CNTNAP3B: variants seen among roughly 807,000 people sequenced by gnomAD.
The protein encoded by CNTNAP3B is contactin associated protein family member 3B, also known as contactin-associated protein-like 3B.
CNTNAP3B carries 25 observed loss-of-function variants against 108.9 expected under a neutral mutation model. The ratio of observed to expected loss-of-function variants is 0.23; its 90% CI spans 0.17 to 0.32. The LOEUF is 0.32. Among genes scored for constraint, CNTNAP3B ranks in the 10% least tolerant of loss-of-function variants. CNTNAP3B has a pLI of 1.00. For synonymous variants in CNTNAP3B, 103 were observed against 473.4 expected (o/e 0.22, Z 10.16); for missense variants, 252 against 1,210.4 (o/e 0.21, Z 11.75).
intron 13 of CNTNAP3B, among the ~76,000 whole-genome samples, chr9:41,939,098 T>C (rs1216777549): frequency 5.9e-3 from 895 of 151,964 alleles, no homozygotes; most frequent in African/African-American, 0.021. Flanking sequence ...CTCAGATCTA[T>C]AGAACTGCAT....
chr9:42,123,714 T>A (rs541566511), intron 1 of CNTNAP3B, among the ~76,000 whole-genome samples: 1 of 138,396 alleles, frequency 7.2e-6, no homozygotes, highest in South Asian at 2.4e-4. Flanking sequence ...TTCAATAAAC[T>A]TTTTTCCACG....
intron 13 of CNTNAP3B, among the ~76,000 whole-genome samples, chr9:41,939,639 A>T (rs1320378474): frequency 6.6e-6 from 1 of 152,296 alleles, no homozygotes; most frequent in Non-Finnish European, 1.5e-5. Flanking sequence ...TCTTCTCGGA[A>T]TGCCACTTTA....
chr9:41,966,645 A>G (rs1168466107), intron 10 of CNTNAP3B, among the ~76,000 whole-genome samples: 1 of 152,294 alleles, frequency 6.6e-6, no homozygotes, highest in Non-Finnish European at 1.5e-5. Flanking sequence ...ACAGTATAGG[A>G]GTCTGATGTA....
At position 42,055,242 on chromosome 9, in the gene CNTNAP3B, C is replaced by T. The variant is rs1251783523; in HGVS notation, c.390+21627G>A. On this transcript the variant is annotated intron_variant, in intron 3 of 23. Transcript: ENST00000377561. ...TCCCATTACCCAGAGGGAAAAAATG[C>T]TATGATTTTTCTTATATGTCCTTCT... Among the ~76,000 whole-genome samples, 3 of 137,518 alleles carry T rather than the reference C, an allele frequency of 2.2e-5. No homozygotes were observed. In the East Asian group the frequency reaches 6.6e-4, roughly 30 times the overall value. The allele number at this position is 137,518 out of a possible 152,430, so 90.2% of individuals were successfully genotyped here.
intron 13 of CNTNAP3B, among the ~76,000 whole-genome samples, chr9:41,942,420 C>T (rs1225225420): frequency 2.0e-5 from 3 of 152,088 alleles, no homozygotes; most frequent in African/African-American, 7.2e-5. Context: ...ACCATCCTGG[C>T]TAACATGGTG....
In CNTNAP3B at chr9:42,110,239, G is replaced by A. The variant is rs1449481878; in HGVS notation, c.86-5500C>T. On this transcript the variant is annotated intron_variant, in intron 1 of 23. Transcript: ENST00000377561. ...AATACGTTTAACATCCCTTTGAATC[G>A]CACAGATACTCAATTCCTTCTGAGA... 9.7e-5 allele frequency among the ~76,000 whole-genome samples: 13 copies of A among 134,530 alleles called. 2 individuals are homozygous for A. In the South Asian group the frequency reaches 9.7e-4, roughly 10 times the overall value. 88.3% of individuals were successfully genotyped at this position (134,530 alleles called of 152,430 possible).
chr9:42,113,034 C>T lies in CNTNAP3B; in HGVS notation c.86-8295G>A, dbSNP rs562545515. Among the ~76,000 whole-genome samples the T allele has an allele frequency of 1.8e-3, 240 of 134,196 alleles. 50 individuals are homozygous for T. Among genetic ancestry groups the T allele is most frequent in the African/African-American group, 7.0e-3 (234 of 33,380 alleles). The allele number at this position is 134,196 out of a possible 152,430, so 88.0% of individuals were successfully genotyped here. A position where few individuals can be genotyped will look rare whatever the true frequency, so the allele number is the denominator to read the frequency against. Reference sequence around the variant, plus strand: ...CCTCCCAAAGTGCTGGGATTACAGGCGTGAGCCACCATGCCCGGTCAAGTT... The same window carrying T: ...CCTCCCAAAGTGCTGGGATTACAGGTGTGAGCCACCATGCCCGGTCAAGTT... On this transcript the variant is annotated intron_variant, in intron 1 of 23. Coordinates refer to ENST00000377561, the MANE Select transcript of CNTNAP3B (RefSeq NM_001201380.3).
intron 1 of CNTNAP3B, among the ~76,000 whole-genome samples, chr9:42,113,501 AG>A (rs1166332976): frequency 7.2e-6 from 1 of 139,810 alleles, no homozygotes; most frequent in Non-Finnish European, 1.5e-5. Context: ...AACAAAATTA[AG>A]TCGTGCAGAA....
chr9:42,075,019 G>A (rs1363976660), intron 3 of CNTNAP3B, among the ~76,000 whole-genome samples: 6 of 146,190 alleles, frequency 4.1e-5, no homozygotes, highest in Admixed American at 6.8e-5. Context: ...CTCTAGGGAG[G>A]GATCTGTTCT....
intron 14 of CNTNAP3B, among the ~76,000 whole-genome samples, chr9:41,932,850 C>G (rs1374078830): frequency 6.6e-6 from 1 of 152,234 alleles, no homozygotes; most frequent in South Asian, 2.1e-4. Context: ...GGGAGTAGGT[C>G]AGCAATAATA....
chr9:42,084,323 T>A lies in CNTNAP3B; in HGVS notation c.197-7261A>T, dbSNP rs1374214026. Among the ~76,000 whole-genome samples, 5 of 121,220 alleles carry A rather than the reference T, an allele frequency of 4.1e-5. 1 individual carries two copies. Among genetic ancestry groups the A allele is most frequent in the Non-Finnish European group, 5.2e-5 (3 of 57,936 alleles). 79.5% of individuals were successfully genotyped at this position (121,220 alleles called of 152,430 possible). ...ACAATTAGGCAAAAGTGATGGGTGA[T>A]GTGCAAATGGGGCATATGCGGAGAG... is the stretch of plus-strand genomic sequence containing the variant. On this transcript the variant is annotated intron_variant, in intron 2 of 23. Coordinates refer to ENST00000377561, the MANE Select transcript of CNTNAP3B (RefSeq NM_001201380.3).
At chr9:41,939,606 G>T (rs549881780) in intron 13 of CNTNAP3B, among the ~76,000 whole-genome samples, 6 of 152,384 alleles carry the variant, frequency 3.9e-5, no homozygotes, top group East Asian at 1.9e-4. Flanking sequence ...CAACGTAAAA[G>T]ATATTTTTAA....
chr9:42,116,851 A>C (rs1401166192), intron 1 of CNTNAP3B, among the ~76,000 whole-genome samples: 3 of 134,332 alleles, frequency 2.2e-5, no homozygotes, highest in Non-Finnish European at 3.1e-5. Flanking sequence ...AAGGGAAAAC[A>C]AAAAAAAAGC....
At position 41,929,143 on chromosome 9, in the gene CNTNAP3B, AAC is replaced by A. The variant is rs1823903642; in HGVS notation, c.2365+172_2365+173del. ...CTATAAACTAATGCTTCAGTAAGGA[AAC>A]ACAGATCTTCAGTACTGACTGTGCC... On this transcript the variant is annotated intron_variant, in intron 15 of 23. Coordinates refer to ENST00000377561, the MANE Select transcript of CNTNAP3B (RefSeq NM_001201380.3). Among the ~76,000 whole-genome samples, 3 of 149,788 alleles carry A rather than the reference AAC, an allele frequency of 2.0e-5. No individual in the cohort carries two copies. The South Asian group carries it at 6.4e-4, about 32-fold the overall frequency.
rs1335030044 is a variant in CNTNAP3B at position 41,973,800 on chromosome 9, G to C, written c.1478-3555C>G. ...GAAAAAAAAGAATGGACAAATGACA[G>C]TATAGAAGATAGGTCTGCATCTGCA... On this transcript the variant is annotated intron_variant, in intron 9 of 23. Coordinates refer to ENST00000377561, the MANE Select transcript of CNTNAP3B (RefSeq NM_001201380.3). 1.5e-5 allele frequency among the ~76,000 whole-genome samples: 2 copies of C among 135,314 alleles called. 1 individual carries two copies. Among genetic ancestry groups the C allele is most frequent in the Non-Finnish European group, 3.1e-5 (2 of 63,882 alleles). 88.8% of individuals were successfully genotyped at this position (135,314 alleles called of 152,430 possible). A position where few individuals can be genotyped will look rare whatever the true frequency, so the allele number is the denominator to read the frequency against.
At chr9:41,944,459 G>A (rs1265583755) in intron 13 of CNTNAP3B, among the ~76,000 whole-genome samples, 1 of 152,218 alleles carries the variant, frequency 6.6e-6, no homozygotes, top group Non-Finnish European at 1.5e-5. Context: ...TTAATGAAGT[G>A]GAATAGTGTT....
intron 12 of CNTNAP3B, among the ~76,000 whole-genome samples, chr9:41,954,288 G>T (rs1824789874): frequency 6.6e-6 from 1 of 152,276 alleles, no homozygotes; most frequent in African/African-American, 2.4e-5. Flanking sequence ...TTTACCTTGA[G>T]AAATCACCCT....
At chr9:42,082,564 A>T (rs1201381929) in intron 2 of CNTNAP3B, among the ~76,000 whole-genome samples, 1 of 57,120 alleles carries the variant, frequency 1.8e-5, no homozygotes, top group Non-Finnish European at 3.2e-5. Flanking sequence ...AAGTAAAAAA[A>T]TACAGAAACC....
chr9:42,043,251 T>G (rs1431765001), intron 3 of CNTNAP3B, among the ~76,000 whole-genome samples: 1 of 107,958 alleles, frequency 9.3e-6, no homozygotes, highest in Non-Finnish European at 1.9e-5. Flanking sequence ...CACTGCAACC[T>G]CCGCCTCCTG....
Sources: allele counts gnomAD v4.1 joint callset (sites outside exome capture counted in the v4.1 genomes callset), GRCh38; gene constraint gnomAD v4.1.1; transcripts MANE v1.5; gene names NCBI Gene and HGNC (gene_info 2026-07-23, HGNC 2026-07-21).